Variants in RGS6 observed in about 807,000 individuals in gnomAD.
RGS6 encodes the protein regulator of G-protein signaling 6.
In RGS6, 30 loss-of-function variants were observed where a neutral mutation model predicts 78.5. The observed-to-expected ratio is 0.38, with a 90% CI of 0.29 to 0.52. The LOEUF is 0.52. Ranked by LOEUF, RGS6 falls within the 20% of genes least tolerant of loss-of-function variation. The pLI is 0.85. For missense variants in RGS6, 495 were observed against 609.7 expected, an observed-to-expected ratio of 0.81 and a Z score of 1.98; for synonymous variants, 206 against 206.0, an observed-to-expected ratio of 1.00 and a Z score of 0.00.
chr14:71,968,205 C>A (rs981510505), intron 2 of RGS6, among the ~76,000 whole-genome samples: 13 of 152,142 alleles, frequency 8.5e-5, no homozygotes, highest in Non-Finnish European at 1.8e-4. Context: ...CCTAGCTATA[C>A]ATCACATCAT....
intron 2 of RGS6, among the ~76,000 whole-genome samples, chr14:72,278,603 T>A (rs1271203293): frequency 6.6e-6 from 1 of 152,206 alleles, no homozygotes; most frequent in African/African-American, 2.4e-5. Context: ...CGTACATACA[T>A]ATACATTTAT....
chr14:72,097,844 T>C (rs1046492948), intron 2 of RGS6, among the ~76,000 whole-genome samples: 1 of 152,120 alleles, frequency 6.6e-6, no homozygotes, highest in African/African-American at 2.4e-5. Flanking sequence ...AGATTGTAGC[T>C]CCTTAGTGGC....
chr14:72,088,070 G>A (rs17106931), intron 2 of RGS6, among the ~76,000 whole-genome samples: 19,709 of 152,096 alleles, frequency 0.13, 1,444 homozygotes, highest in East Asian at 0.37. Context: ...GCAAAGAGAA[G>A]ACCAGAATCT....
intron 2 of RGS6, among the ~76,000 whole-genome samples, chr14:72,030,646 G>T (rs1243109846): frequency 6.6e-6 from 1 of 152,186 alleles, no homozygotes; most frequent in African/African-American, 2.4e-5. Flanking sequence ...GCCATGATGT[G>T]AATTATGTAC....
intron 3 of RGS6, among the ~76,000 whole-genome samples, chr14:72,446,293 T>C (rs1404771025): frequency 2.0e-5 from 3 of 152,176 alleles, no homozygotes; most frequent in Admixed American, 1.3e-4. Context: ...CAGTTTGTGA[T>C]ACCTTGTCAT....
At chr14:72,573,709 TA>T in the RGS6 span, among the ~76,000 whole-genome samples, 9 of 152,192 alleles carry the variant, frequency 5.9e-5, no homozygotes, top group Non-Finnish European at 8.8e-5. Context: ...AGAATTTCTC[TA>T]AGCCAGCTCC....
intron 2 of RGS6, among the ~76,000 whole-genome samples, chr14:71,995,492 T>C (rs1322899499): frequency 6.6e-6 from 1 of 152,166 alleles, no homozygotes. Context: ...AGCTGTCCGG[T>C]TTATGTCCTG....
At chr14:72,393,108 A>T (rs1001221166) in intron 3 of RGS6, among the ~76,000 whole-genome samples, 5 of 152,212 alleles carry the variant, frequency 3.3e-5, no homozygotes, top group Non-Finnish European at 2.9e-5. Flanking sequence ...TCTGTGGCTT[A>T]TCTGCTTAGA....
the RGS6 span, among the ~76,000 whole-genome samples, chr14:71,871,279 C>A: frequency 6.6e-6 from 1 of 152,098 alleles, no homozygotes; most frequent in African/African-American, 2.4e-5. Context: ...CATCCCAAAC[C>A]AGGGCATTTT....
chr14:72,524,867 G>A (rs2097099034), intron 15 of RGS6, among the ~76,000 whole-genome samples: 2 of 152,240 alleles, frequency 1.3e-5, no homozygotes, highest in African/African-American at 2.4e-5. Context: ...AGTGGAATAG[G>A]ACAAGCCAGT....
the RGS6 span, among the ~76,000 whole-genome samples, chr14:71,921,270 C>T: frequency 6.6e-6 from 1 of 151,972 alleles, no homozygotes; most frequent in Non-Finnish European, 1.5e-5. Flanking sequence ...ATTAGTAAAG[C>T]CATTATGGAA....
chr14:72,231,333 TAAAGTC>T (rs1442980346), intron 2 of RGS6, among the ~76,000 whole-genome samples: 1 of 152,278 alleles, frequency 6.6e-6, no homozygotes, highest in African/African-American at 2.4e-5. Context: ...TGACACTACA[TAAAGTC>T]AGAGTGGATT....
intron 2 of RGS6, among the ~76,000 whole-genome samples, chr14:72,334,287 T>G (rs572498933): frequency 6.6e-6 from 1 of 152,332 alleles, no homozygotes; most frequent in African/African-American, 2.4e-5. Context: ...CAACTGGCCC[T>G]GGGAGCTGGG....
chr14:72,554,436 C>G (rs778150836), intron 17 of RGS6, among the ~76,000 whole-genome samples: 1 of 152,142 alleles, frequency 6.6e-6, no homozygotes, highest in Non-Finnish European at 1.5e-5. Flanking sequence ...TCAAGGGTTA[C>G]TTGAATTTCC....
In RGS6 at chr14:72,007,681, C is replaced by CG. The variant is rs1461669010; in HGVS notation, c.84+42807dup. 7.9e-5 allele frequency among the ~76,000 whole-genome samples: 12 copies of CG among 152,266 alleles called. No homozygotes were observed. In the South Asian group the frequency reaches 8.3e-4, roughly 11 times the overall value. On this transcript the variant is annotated intron_variant, in intron 2 of 17. Transcript: ENST00000553525. ...AGCCAAAAGATTAGACACCCTTGGACGAAGGGCTTGCCTTACAGATCCTCT... is the reference window on the plus strand; with the variant it reads ...AGCCAAAAGATTAGACACCCTTGGACGGAAGGGCTTGCCTTACAGATCCTCT...
intron 2 of RGS6, among the ~76,000 whole-genome samples, chr14:72,133,590 C>G (rs1162632136): frequency 6.6e-6 from 1 of 152,164 alleles, no homozygotes; most frequent in Non-Finnish European, 1.5e-5. Flanking sequence ...CCTCAAAACT[C>G]TATGCCTTAT....
At chr14:72,251,253 G>A (rs2055689678) in intron 2 of RGS6, among the ~76,000 whole-genome samples, 1 of 152,184 alleles carries the variant, frequency 6.6e-6, no homozygotes, top group Admixed American at 6.5e-5. Context: ...CCTCAGAAGG[G>A]TAGATGAAAA....
intron 2 of RGS6, among the ~76,000 whole-genome samples, chr14:71,999,578 A>AGGTGGGGCCT (rs1368175995): frequency 2.5e-4 from 34 of 136,032 alleles, no homozygotes; most frequent in Non-Finnish European, 5.1e-4. Flanking sequence ...TCAATGTTGG[A>AGGTGGGGCCT]GGTGGGGCCT....
At chr14:72,407,141 C>T (rs543866143) in intron 3 of RGS6, among the ~76,000 whole-genome samples, 3 of 152,216 alleles carry the variant, frequency 2.0e-5, no homozygotes, top group Non-Finnish European at 4.4e-5. Flanking sequence ...ATACCAAGAC[C>T]CTAGGTGTTC....
Sources: allele counts gnomAD v4.1 joint callset (sites outside exome capture counted in the v4.1 genomes callset), GRCh38; gene constraint gnomAD v4.1.1; transcripts MANE v1.5; gene names NCBI Gene and HGNC (gene_info 2026-07-23, HGNC 2026-07-21).